NFKB1: variants seen among roughly 807,000 people sequenced by gnomAD.
NFKB1 encodes nuclear factor NF-kappa-B p105 subunit.
A neutral mutation model predicts 105.1 loss-of-function variants in NFKB1; 9 were observed. That is an observed-to-expected ratio of 0.09 (90% CI 0.05 to 0.15). NFKB1 has a LOEUF of 0.15. NFKB1 is among the 10% of genes least tolerant of loss of function. The pLI is 1.00. For synonymous variants in NFKB1, 440 were observed against 442.2 expected, an observed-to-expected ratio of 1.00 and a Z score of 0.06; for missense variants, 830 against 1,203.7, an observed-to-expected ratio of 0.69 and a Z score of 4.59.
Position 102,610,600 on chromosome 4 carries a change from T to C in NFKB1, c.2253T>C (p.Phe751=), listed in dbSNP as rs767843153. 1 of 1,614,000 alleles carries C rather than the reference T, an allele frequency of 6.2e-7. No homozygotes were observed. The highest frequency in any genetic ancestry group is 2.2e-5 in the East Asian group (1 of 44,874). The change falls in exon 20 of 24, where the codon TTT becomes TTC. Residue 751 remains phenylalanine (F), a synonymous_variant. Coordinates refer to ENST00000226574, the MANE Select transcript of NFKB1 (RefSeq NM_003998.4). ...AAGADPLVEN[F]EPLYDLDDSW... ...GAGCAGATCCCCTGGTGGAGAACTT[T>C]GAGCCTCTCTATGACCTGGATGACT... is the stretch of plus-strand genomic sequence containing the variant.
At chr4:102,556,844 A>C (rs1481548709) in intron 5 of NFKB1, among the ~76,000 whole-genome samples, 1 of 152,210 alleles carries the variant, frequency 6.6e-6, no homozygotes, top group Non-Finnish European at 1.5e-5. Flanking sequence ...CCCAGCCCAT[A>C]GGTTTCAATT....
chr4:102,515,581 A>G (rs1399792756), intron 1 of NFKB1, among the ~76,000 whole-genome samples: 1 of 152,100 alleles, frequency 6.6e-6, no homozygotes, highest in African/African-American at 2.4e-5. Context: ...GTTACTTTCT[A>G]AAGTGGTTAC....
chr4:102,520,209 T>G (rs1051544270), intron 1 of NFKB1, among the ~76,000 whole-genome samples: 14 of 152,228 alleles, frequency 9.2e-5, no homozygotes, highest in Admixed American at 2.6e-4. Context: ...CCAGCCACCT[T>G]AGAAAGGGAA....
chr4:102,578,778 G>C (rs916060665), intron 7 of NFKB1, 103 bp from the exon 8 acceptor site: 81 of 1,206,954 alleles, frequency 6.7e-5, no homozygotes, highest in Non-Finnish European at 8.8e-5. Context: ...GAGGAAAAAT[G>C]GGTTTTTATT....
At chr4:102,612,834 T>C (rs2149231378) in intron 22 of NFKB1, among the ~76,000 whole-genome samples, 1 of 152,258 alleles carries the variant, frequency 6.6e-6, no homozygotes, top group East Asian at 1.9e-4. Flanking sequence ...GGAGACTTCC[T>C]GTGAAAATGC....
chr4:102,558,002 C>G (rs1723117504), intron 5 of NFKB1, among the ~76,000 whole-genome samples: 1 of 150,734 alleles, frequency 6.6e-6, no homozygotes, highest in African/African-American at 2.4e-5. Flanking sequence ...ATTTAAATAG[C>G]CTATTGAGAT....
intron 5 of NFKB1, among the ~76,000 whole-genome samples, chr4:102,546,202 A>G (rs987680860): frequency 2.0e-5 from 3 of 152,134 alleles, no homozygotes; most frequent in African/African-American, 7.2e-5. Context: ...ATATAGATGT[A>G]TCTTTAGCTT....
intron 12 of NFKB1, among the ~76,000 whole-genome samples, chr4:102,594,659 C>A (rs1726457743): frequency 6.6e-6 from 1 of 152,154 alleles, no homozygotes; most frequent in Admixed American, 6.6e-5. Flanking sequence ...ACAACCCCTC[C>A]CCAAATCTGG....
At chr4:102,512,697 C>T (rs537825394) in intron 1 of NFKB1, among the ~76,000 whole-genome samples, 1 of 152,264 alleles carries the variant, frequency 6.6e-6, no homozygotes, top group Admixed American at 6.5e-5. Context: ...GAAAGGGCTT[C>T]ATGGAGCCTG....
At chr4:102,520,935 AAT>A (rs548984612) in intron 1 of NFKB1, among the ~76,000 whole-genome samples, 227 of 152,308 alleles carry the variant, frequency 1.5e-3, no homozygotes, top group Admixed American at 3.3e-3. Flanking sequence ...TTCCTATTTA[AAT>A]ATATGTTTCT....
At chr4:102,519,959 A>T (rs1740458071) in intron 1 of NFKB1, among the ~76,000 whole-genome samples, 1 of 152,176 alleles carries the variant, frequency 6.6e-6, no homozygotes, top group South Asian at 2.1e-4. Flanking sequence ...CACTGTCATG[A>T]TGTGATGATG....
chr4:102,546,829 G>A (rs1560660827), intron 5 of NFKB1, among the ~76,000 whole-genome samples: 2 of 152,162 alleles, frequency 1.3e-5, no homozygotes, highest in African/African-American at 4.8e-5. Context: ...GAAGTTGCCT[G>A]TCTCAGCCTA....
chr4:102,545,027 TGG>T (rs1722032712), intron 5 of NFKB1, among the ~76,000 whole-genome samples: 1 of 152,086 alleles, frequency 6.6e-6, no homozygotes, highest in African/African-American at 2.4e-5. Flanking sequence ...GAAGGTATAG[TGG>T]GGCAACTCTC....
rs555226843 is a variant in NFKB1 at position 102,531,510 on chromosome 4, T to G, written c.118+1596T>G. ...AACTCTAAAATGGATTATTTTAGTCTTCTAGATTTTTTGAAATCTAAAACC... is the reference window on the plus strand; with the variant it reads ...AACTCTAAAATGGATTATTTTAGTCGTCTAGATTTTTTGAAATCTAAAACC... On this transcript the variant is annotated intron_variant, in intron 3 of 23. Transcript: ENST00000226574. Among the ~76,000 whole-genome samples the G allele has an allele frequency of 5.9e-5, 9 of 152,292 alleles. No individual in the cohort carries two copies. The South Asian group carries it at 1.9e-3, about 32-fold the overall frequency.
Position 102,537,787 on chromosome 4 carries a change from A to G in NFKB1, c.160-71A>G, listed in dbSNP as rs1035314438. ...GTAGACATAAGATTTAAAAATTTGT[A>G]TGTACCTTTGTTGCCGTAATTTTTA... is the stretch of plus-strand genomic sequence containing the variant. On this transcript the variant is annotated intron_variant, in intron 4 of 23. Transcript: ENST00000226574. 28 of 854,420 alleles carry G rather than the reference A, an allele frequency of 3.3e-5. No individual in the cohort carries two copies. The African/African-American group carries it at 4.3e-4, about 13-fold the overall frequency. 52.9% of individuals were successfully genotyped at this position (854,420 alleles called of 1,614,324 possible). A position where few individuals can be genotyped will look rare whatever the true frequency, so the allele number is the denominator to read the frequency against.
chr4:102,604,328 C>T (rs1052030872), intron 16 of NFKB1, among the ~76,000 whole-genome samples: 28 of 152,156 alleles, frequency 1.8e-4, no homozygotes, highest in Admixed American at 5.2e-4. Context: ...AAGGAGGTTA[C>T]AAAAACGTAC....
intron 1 of NFKB1, among the ~76,000 whole-genome samples, chr4:102,521,673 A>G (rs1025332427): frequency 7.9e-5 from 12 of 152,152 alleles, no homozygotes; most frequent in Non-Finnish European, 1.5e-4. Flanking sequence ...GCGTGCCCCC[A>G]ACTCCATCCT....
chr4:102,509,363 G>A (rs1259321662), intron 1 of NFKB1, among the ~76,000 whole-genome samples: 1 of 152,036 alleles, frequency 6.6e-6, no homozygotes, highest in Non-Finnish European at 1.5e-5. Flanking sequence ...TTTGTGATGG[G>A]TGGGGAAGTA....
chr4:102,527,366 A>G (rs1416846996), intron 2 of NFKB1, among the ~76,000 whole-genome samples: 1 of 152,214 alleles, frequency 6.6e-6, no homozygotes, highest in Non-Finnish European at 1.5e-5. Context: ...TTGCTAGACT[A>G]GAAAAGGTGA....
Sources: allele counts gnomAD v4.1 joint callset (sites outside exome capture counted in the v4.1 genomes callset), GRCh38; gene constraint gnomAD v4.1.1; transcripts MANE v1.5; gene names NCBI Gene and HGNC (gene_info 2026-07-23, HGNC 2026-07-21).